DRC9: variants seen among roughly 807,000 people sequenced by gnomAD.
DRC9 encodes dynein regulatory complex subunit 9, also known as dynein regulatory complex protein 9.
the DRC9 span, among the ~76,000 whole-genome samples, chr3:197,955,417 C>T: frequency 6.6e-6 from 1 of 152,094 alleles, no homozygotes; most frequent in African/African-American, 2.4e-5. Flanking sequence ...CACGTACCAC[C>T]ATGCCCAGCT....
chr3:197,950,412 C>A, the DRC9 span: 1 of 994,876 alleles, frequency 1.0e-6, no homozygotes, highest in Non-Finnish European at 1.3e-6. Flanking sequence ...ACCCGGAGAA[C>A]GGCTGCCCGG....
chr3:197,911,935 C>T, the DRC9 span, among the ~76,000 whole-genome samples: 18 of 151,974 alleles, frequency 1.2e-4, no homozygotes, highest in Middle Eastern at 3.4e-3. Context: ...CCACCATGTC[C>T]GGCCTTTATT....
the DRC9 span, among the ~76,000 whole-genome samples, chr3:197,919,241 G>A: frequency 6.6e-6 from 1 of 152,156 alleles, no homozygotes; most frequent in African/African-American, 2.4e-5. Flanking sequence ...ACATTTTAAT[G>A]GCCCTCCACG....
the DRC9 span, among the ~76,000 whole-genome samples, chr3:197,954,883 AC>A: frequency 1.3e-5 from 2 of 152,324 alleles, no homozygotes; most frequent in East Asian, 3.9e-4. Flanking sequence ...TTCAACAGTT[AC>A]GCCTGGCATA....
the DRC9 span, chr3:197,952,607 GCCTCAGC>G: frequency 6.6e-6 from 1 of 151,974 alleles, no homozygotes; most frequent in Middle Eastern, 3.1e-3. Flanking sequence ...CGATTATCCT[GCCTCAGC>G]CTCCGAGTGA....
At chr3:197,911,058 C>A in the DRC9 span, among the ~76,000 whole-genome samples, 1 of 151,504 alleles carries the variant, frequency 6.6e-6, no homozygotes, top group East Asian at 1.9e-4. Context: ...ATTATAGACC[C>A]AGCTTGGTTA....
chr3:197,936,641 G>A, the DRC9 span, among the ~76,000 whole-genome samples: 1 of 152,202 alleles, frequency 6.6e-6, no homozygotes, highest in Admixed American at 6.5e-5. Flanking sequence ...AGGATCACAG[G>A]TGTGAGCTGC....
the DRC9 span, among the ~76,000 whole-genome samples, chr3:197,924,736 T>A: frequency 6.6e-6 from 1 of 152,190 alleles, no homozygotes; most frequent in Non-Finnish European, 1.5e-5. Context: ...GCCAGGATGG[T>A]CTCGATCTCT....
chr3:197,932,845 A>ATATG, the DRC9 span, among the ~76,000 whole-genome samples: 7 of 131,968 alleles, frequency 5.3e-5, no homozygotes, highest in East Asian at 1.5e-3. Context: ...TATGTATTAT[A>ATATG]TATAATATAC....
the DRC9 span, chr3:197,889,836 T>C: frequency 6.8e-6 from 8 of 1,169,038 alleles, no homozygotes; most frequent in African/African-American, 3.0e-5. Flanking sequence ...CTCCAGGACA[T>C]GGAAGTAGCC....
At chr3:197,940,312 T>C in the DRC9 span, among the ~76,000 whole-genome samples, 1 of 148,612 alleles carries the variant, frequency 6.7e-6, no homozygotes, top group Non-Finnish European at 1.5e-5. Context: ...AATTTACATA[T>C]ATATATATAT....
At chr3:197,951,154 C>G in the DRC9 span, 66 of 1,614,038 alleles carry the variant, frequency 4.1e-5, no homozygotes, top group Middle Eastern at 2.0e-3. Flanking sequence ...TCTTTTGTGT[C>G]TTAGGCTGTG....
chr3:197,912,837 G>A, the DRC9 span: 1 of 1,045,890 alleles, frequency 9.6e-7, no homozygotes, highest in African/African-American at 1.6e-5. Flanking sequence ...TCGGTCGGTA[G>A]CTGAGGCTCC....
chr3:197,902,126 T>C, the DRC9 span, among the ~76,000 whole-genome samples: 1 of 152,246 alleles, frequency 6.6e-6, no homozygotes, highest in African/African-American at 2.4e-5. Flanking sequence ...ACCAAGGTGA[T>C]ACCTCTACAT....
At chr3:197,952,330 T>C in the DRC9 span, among the ~76,000 whole-genome samples, 5 of 150,688 alleles carry the variant, frequency 3.3e-5, no homozygotes, top group African/African-American at 1.2e-4. Context: ...CCACCATGCC[T>C]GTCTAATTTT....
chr3:197,932,217 T>G, the DRC9 span: 14 of 1,613,596 alleles, frequency 8.7e-6, no homozygotes, highest in Non-Finnish European at 1.2e-5. Context: ...TCCCTCTCTT[T>G]GCTCAAAGCT....
At chr3:197,918,290 G>C in the DRC9 span, among the ~76,000 whole-genome samples, 1 of 124,052 alleles carries the variant, frequency 8.1e-6, no homozygotes, top group Non-Finnish European at 1.6e-5. Context: ...TTTTGGTAGA[G>C]ATGGGGTTTT....
chr3:197,946,158 G>A, the DRC9 span, among the ~76,000 whole-genome samples: 7 of 152,176 alleles, frequency 4.6e-5, no homozygotes, highest in Non-Finnish European at 8.8e-5. Context: ...AATTGGGGCC[G>A]GGCGCGGGGG....
At chr3:197,899,775 A>G in the DRC9 span, among the ~76,000 whole-genome samples, 1 of 152,140 alleles carries the variant, frequency 6.6e-6, no homozygotes, top group Non-Finnish European at 1.5e-5. Context: ...AAATTTGACA[A>G]CTATCTGTAC....
Sources: allele counts gnomAD v4.1 joint callset (sites outside exome capture counted in the v4.1 genomes callset), GRCh38; gene constraint gnomAD v4.1.1; transcripts MANE v1.5; gene names NCBI Gene and HGNC (gene_info 2026-07-23, HGNC 2026-07-21).